Variants in RNF144A observed in about 807,000 individuals in gnomAD.
RNF144A encodes the protein E3 ubiquitin-protein ligase RNF144A.
In RNF144A, 11 loss-of-function variants were observed where a neutral mutation model predicts 38.7. The ratio of observed to expected loss-of-function variants is 0.28; its 90% confidence interval spans 0.18 to 0.47. The LOEUF (loss-of-function observed/expected upper bound fraction) is 0.47. RNF144A is among the 20% of genes least tolerant of loss of function. The pLI, the probability that RNF144A is intolerant of heterozygous loss-of-function variation, is 0.99. For synonymous variants in RNF144A, 149 were observed against 143.9 expected (o/e 1.04, Z -0.25); for missense variants, 316 against 377.2 (o/e 0.84, Z 1.34).
chr2:7,046,576 C>A (rs558678419), downstream of RNF144A, among the ~76,000 whole-genome samples: 1 of 152,204 alleles, frequency 6.6e-6, no homozygotes, highest in African/African-American at 2.4e-5. Flanking sequence ...GTTGCTCATG[C>A]AGTTCCACTG....
intron 2 of RNF144A, among the ~76,000 whole-genome samples, chr2:6,996,168 ACT>A (rs1558416270): frequency 1.3e-5 from 2 of 151,188 alleles, no homozygotes; most frequent in African/African-American, 4.9e-5. Context: ...TGCCCTGAAA[ACT>A]CAAGCCTCAC....
intron 2 of RNF144A, among the ~76,000 whole-genome samples, chr2:6,994,578 C>T (rs1258784064): frequency 2.0e-5 from 3 of 151,982 alleles, no homozygotes; most frequent in Non-Finnish European, 4.4e-5. Flanking sequence ...CTGGGGAGGA[C>T]GCCTTGATGT....
At chr2:6,934,577 T>C (rs1665445010) in intron 1 of RNF144A, among the ~76,000 whole-genome samples, 2 of 152,254 alleles carry the variant, frequency 1.3e-5, no homozygotes, top group Admixed American at 1.3e-4. Flanking sequence ...TCAGTTATTT[T>C]TTTCCTCTGG....
intron 2 of RNF144A, among the ~76,000 whole-genome samples, chr2:6,989,308 T>TG (rs142315676): frequency 0.28 from 41,856 of 151,872 alleles, 6,126 homozygotes; most frequent in Non-Finnish European, 0.34. Flanking sequence ...TCTGAGACCT[T>TG]CCACTCCAAC....
chr2:6,945,908 G>C (rs1445838566), intron 2 of RNF144A, among the ~76,000 whole-genome samples: 1 of 152,148 alleles, frequency 6.6e-6, no homozygotes, highest in East Asian at 1.9e-4. Flanking sequence ...GGAACAGCAG[G>C]GCTGGGGAGC....
intron 2 of RNF144A, among the ~76,000 whole-genome samples, chr2:6,974,803 C>T (rs1668206699): frequency 6.6e-6 from 1 of 152,152 alleles, no homozygotes; most frequent in South Asian, 2.1e-4. Context: ...CATATGCTGA[C>T]ATTTTTGGAA....
At chr2:7,029,401 G>T (rs745911315) in intron 7 of RNF144A, among the ~76,000 whole-genome samples, 1 of 152,230 alleles carries the variant, frequency 6.6e-6, no homozygotes, top group Non-Finnish European at 1.5e-5. Context: ...ACCAACATGT[G>T]TGAGGGTCCC....
intron 7 of RNF144A, among the ~76,000 whole-genome samples, chr2:7,025,663 C>T (rs950773527): frequency 1.3e-5 from 2 of 152,114 alleles, no homozygotes; most frequent in Non-Finnish European, 2.9e-5. Context: ...CAGAGTGAGA[C>T]TCCATCTCAA....
intron 1 of RNF144A, 106 bp from the exon 2 acceptor site, chr2:6,940,842 A>G (rs1665920087): frequency 6.6e-6 from 1 of 152,126 alleles, no homozygotes; most frequent in Non-Finnish European, 1.5e-5. Context: ...ACTGGATAAG[A>G]TTTCTAATGT....
At chr2:6,923,583 T>C (rs1664678179) in intron 1 of RNF144A, among the ~76,000 whole-genome samples, 1 of 152,228 alleles carries the variant, frequency 6.6e-6, no homozygotes, top group Non-Finnish European at 1.5e-5. Flanking sequence ...CTGCCTTTCC[T>C]TCCAGCTGTA....
At chr2:7,018,420 G>T (rs1264367523) in intron 5 of RNF144A, among the ~76,000 whole-genome samples, 1 of 152,104 alleles carries the variant, frequency 6.6e-6, no homozygotes, top group South Asian at 2.1e-4. Context: ...GAGAGTTGTC[G>T]GAGGCATCGC....
At chr2:6,995,977 C>T (rs550449792) in intron 2 of RNF144A, among the ~76,000 whole-genome samples, 1 of 66,106 alleles carries the variant, frequency 1.5e-5, no homozygotes, top group South Asian at 5.2e-4. Context: ...GGATTATCAG[C>T]CCCCTCATGT....
In RNF144A at chr2:7,039,824, C is replaced by T. The variant is rs1409604970; in HGVS notation, c.*64C>T. The T allele has an allele frequency of 3.2e-6, 5 of 1,586,556 alleles. No homozygotes were observed. Among genetic ancestry groups the T allele is most frequent in the South Asian group, 1.1e-5 (1 of 87,914 alleles). ...AGTGTGGCTCTCCCCCAACCCTCCC[C>T]ACCGTCCCCCCTTCACTAAACATCT... On this transcript the variant is annotated 3_prime_UTR_variant, in exon 9 of 9. Coordinates refer to ENST00000320892, the MANE Select transcript of RNF144A (RefSeq NM_014746.6).
chr2:7,030,005 C>G (rs772623767), intron 7 of RNF144A, 121 bp from the exon 8 acceptor site: 72 of 731,816 alleles, frequency 9.8e-5, no homozygotes, highest in Non-Finnish European at 1.6e-4. Context: ...TTCCCTGTGT[C>G]ACCTCCCTCA....
rs1673118803 is a variant in RNF144A, at chr2:7,042,649, G to A, written c.*2889G>A. 7.1e-6 allele frequency: 7 copies of A among 985,414 alleles called. No individual in the cohort carries two copies. Among genetic ancestry groups the A allele is most frequent in the Non-Finnish European group, 8.4e-6 (7 of 830,022 alleles). 61.0% of individuals were successfully genotyped at this position (985,414 alleles called of 1,614,324 possible). On this transcript the variant is annotated 3_prime_UTR_variant, in exon 9 of 9. Coordinates refer to ENST00000320892, the MANE Select transcript of RNF144A (RefSeq NM_014746.6). ...TGACCTCTCAGTCTGGCTCTGCTGT[G>A]TAGTCCATAGCCCAGCCAGATGAGC...
chr2:7,035,473 C>T (rs927723993), intron 8 of RNF144A, among the ~76,000 whole-genome samples: 11 of 152,182 alleles, frequency 7.2e-5, no homozygotes, highest in African/African-American at 2.2e-4. Flanking sequence ...ATTGCTTTCC[C>T]GTCCTACAAA....
intron 2 of RNF144A, among the ~76,000 whole-genome samples, chr2:6,982,655 C>T (rs1668707512): frequency 6.6e-6 from 1 of 152,110 alleles, no homozygotes; most frequent in South Asian, 2.1e-4. Flanking sequence ...GGAAGAGGGA[C>T]AAGGGAGAGA....
At chr2:6,938,159 A>G (rs1427157243) in intron 1 of RNF144A, among the ~76,000 whole-genome samples, 1 of 152,064 alleles carries the variant, frequency 6.6e-6, no homozygotes, top group East Asian at 1.9e-4. Flanking sequence ...AACATTTGGG[A>G]AAACCTGGAG....
intron 1 of RNF144A, among the ~76,000 whole-genome samples, chr2:6,929,500 A>T (rs1466051836): frequency 1.3e-5 from 2 of 152,184 alleles, no homozygotes; most frequent in Non-Finnish European, 2.9e-5. Context: ...CAATATATAC[A>T]TATTTTTATT....
Sources: allele counts gnomAD v4.1 joint callset (sites outside exome capture counted in the v4.1 genomes callset), GRCh38; gene constraint gnomAD v4.1.1; transcripts MANE v1.5; gene names NCBI Gene and HGNC (gene_info 2026-07-23, HGNC 2026-07-21).